Variants in SPP2 observed in about 807,000 individuals in gnomAD.
SPP2 encodes the protein secreted phosphoprotein 24.
A neutral mutation model predicts 28.8 loss-of-function variants in SPP2; 34 were observed. That is an observed-to-expected ratio of 1.18 (90% CI 0.90 to 1.57). The LOEUF (loss-of-function observed/expected upper bound fraction) is 1.57, where lower values mean the gene tolerates loss of function less well. SPP2 is among the 40% of genes most tolerant of loss of function. SPP2 has a pLI of 0.00. For synonymous variants in SPP2, 96 were observed against 89.4 expected (o/e 1.07, Z -0.42); for missense variants, 269 against 263.9 (o/e 1.02, Z -0.13).
At chr2:234,059,553 C>A (rs919628914) in intron 3 of SPP2, among the ~76,000 whole-genome samples, 1 of 152,046 alleles carries the variant, frequency 6.6e-6, no homozygotes, top group Non-Finnish European at 1.5e-5. Flanking sequence ...AACAAACAAA[C>A]AAACAAACAA....
At position 234,058,505 on chromosome 2, in the gene SPP2, T is replaced by C. The variant is rs28903997; in HGVS notation, c.211-331T>C. Among the ~76,000 whole-genome samples, 1,456 of 152,318 alleles carry C rather than the reference T, an allele frequency of 9.6e-3. 19 individuals carry two copies. The highest frequency in any genetic ancestry group is 0.033 in the African/African-American group (1,362 of 41,566). On this transcript the variant is annotated intron_variant, in intron 2 of 7. Coordinates refer to ENST00000168148, the MANE Select transcript of SPP2 (RefSeq NM_006944.3). Reference sequence around the variant, plus strand: ...TGATTTTGGGGTTACAAATAAATTTTAGTGAGTAGGTGAGTTTGCCAATAT... The same window carrying C: ...TGATTTTGGGGTTACAAATAAATTTCAGTGAGTAGGTGAGTTTGCCAATAT...
chr2:234,063,611 G>A (rs1020847544), intron 4 of SPP2, among the ~76,000 whole-genome samples: 1 of 152,082 alleles, frequency 6.6e-6, no homozygotes, highest in Non-Finnish European at 1.5e-5. Context: ...TTTCAATCCC[G>A]AAATTGAAAT....
chr2:234,061,927 C>T (rs1256528017), intron 4 of SPP2, among the ~76,000 whole-genome samples: 2 of 152,136 alleles, frequency 1.3e-5, no homozygotes, highest in Admixed American at 6.6e-5. Context: ...AGGGCTGGGG[C>T]GAGTACCATG....
intron 2 of SPP2, among the ~76,000 whole-genome samples, chr2:234,052,124 A>G (rs62185891): frequency 3.6e-4 from 55 of 152,288 alleles, no homozygotes; most frequent in Admixed American, 2.0e-3. Context: ...ATTATAGTTC[A>G]TGAAGACTAT....
At chr2:234,071,050 G>A (rs1390158014) in intron 7 of SPP2, among the ~76,000 whole-genome samples, 1 of 151,982 alleles carries the variant, frequency 6.6e-6, no homozygotes, top group Non-Finnish European at 1.5e-5. Context: ...CACCTAATTT[G>A]CTCAAGCTAA....
intron 2 of SPP2, among the ~76,000 whole-genome samples, chr2:234,051,691 A>T (rs1401634379): frequency 6.6e-6 from 1 of 152,216 alleles, no homozygotes; most frequent in Non-Finnish European, 1.5e-5. Flanking sequence ...AGGTAATTTC[A>T]CTGCCTTATT....
At chr2:234,074,119 G>C (rs1390168439) in intron 7 of SPP2, among the ~76,000 whole-genome samples, 1 of 152,136 alleles carries the variant, frequency 6.6e-6, no homozygotes, top group Non-Finnish European at 1.5e-5. Flanking sequence ...GATTGGAATT[G>C]AACTCTTGAT....
In SPP2 at chr2:234,060,463, C is replaced by G. The variant is rs1490992575; in HGVS notation, c.428C>G (p.Ser143Cys). ...AGCTGGTCCTCCTCCACGTCTGAGTCTTACAGCAGCGAAGAGGTATGACTG... is the reference window on the plus strand; with the variant it reads ...AGCTGGTCCTCCTCCACGTCTGAGTGTTACAGCAGCGAAGAGGTATGACTG... The part of the protein sequence containing the change: ...RCSWSSSTSE[S>C]YSSEEMIFGD... Residue 143 changes from serine to cysteine, a missense_variant, in exon 4 of 8, where the codon TCT (serine) becomes TGT (cysteine). Ser to Cys is a moderately radical substitution (Grantham distance 112). Coordinates refer to ENST00000168148, the MANE Select transcript of SPP2 (RefSeq NM_006944.3). 1 of 1,613,704 alleles carries G rather than the reference C, an allele frequency of 6.2e-7. No individual in the cohort carries two copies. The highest frequency in any genetic ancestry group is 2.2e-5 in the East Asian group (1 of 44,832).
At chr2:234,071,865 A>T (rs1422687046) in intron 7 of SPP2, among the ~76,000 whole-genome samples, 3 of 152,166 alleles carry the variant, frequency 2.0e-5, no homozygotes, top group Non-Finnish European at 4.4e-5. Flanking sequence ...TTCCCTTTGG[A>T]GGTCTACGTT....
intron 2 of SPP2, among the ~76,000 whole-genome samples, chr2:234,051,614 G>A (rs144236015): frequency 3.9e-4 from 59 of 152,326 alleles, no homozygotes; most frequent in African/African-American, 1.3e-3. Flanking sequence ...GGAAAGAAAT[G>A]TAAAAATATC....
At chr2:234,073,978 C>T (rs1690846647) in intron 7 of SPP2, among the ~76,000 whole-genome samples, 1 of 152,184 alleles carries the variant, frequency 6.6e-6, no homozygotes, top group African/African-American at 2.4e-5. Flanking sequence ...ATGCCTGGGC[C>T]TGTGTTTGGA....
At chr2:234,057,386 C>CT (rs1693630348) in intron 2 of SPP2, among the ~76,000 whole-genome samples, 1 of 152,242 alleles carries the variant, frequency 6.6e-6, no homozygotes, top group Non-Finnish European at 1.5e-5. Flanking sequence ...ATTGGCTCTG[C>CT]TTTCTATTCA....
intron 5 of SPP2, 123 bp from the exon 6 acceptor site, chr2:234,067,101 C>G (rs998265603): frequency 1.0e-6 from 1 of 962,698 alleles, no homozygotes; most frequent in African/African-American, 1.6e-5. Flanking sequence ...GGCAATAAAA[C>G]TCAATGGTGA....
chr2:234,067,166 A>G, intron 5 of SPP2, 58 bp from the exon 6 acceptor site: 1 of 1,494,138 alleles, frequency 6.7e-7, no homozygotes, highest in Non-Finnish European at 9.3e-7. Context: ...CAGTAAAGTC[A>G]TAGAACATTC....
At chr2:234,068,775 A>G (rs563095468) in intron 6 of SPP2, among the ~76,000 whole-genome samples, 2 of 151,778 alleles carry the variant, frequency 1.3e-5, no homozygotes, top group East Asian at 3.9e-4. Context: ...GGGAATATTC[A>G]AAAGATATTT....
At chr2:234,060,552 G>GTT in intron 4 of SPP2, 73 bp downstream of exon 4, 1 of 1,214,996 alleles carries the variant, frequency 8.2e-7, no homozygotes, top group South Asian at 1.3e-5. Flanking sequence ...AAACAGAGTG[G>GTT]TTTGCTGGGT....
chr2:234,061,135 A>AT (rs532779342), intron 4 of SPP2, among the ~76,000 whole-genome samples: 97 of 152,312 alleles, frequency 6.4e-4, no homozygotes, highest in African/African-American at 2.2e-3. Context: ...ATTTTTCCTC[A>AT]ATTGCATTGA....
chr2:234,054,141 C>T lies in SPP2; in HGVS notation c.210+3046C>T, dbSNP rs114177833. Reference sequence around the variant, plus strand: ...ACAAGAAGTTCCCACTGTGGAAAGACGTTCTGAGGAATATTGGGTGAGCTG... The same window carrying T: ...ACAAGAAGTTCCCACTGTGGAAAGATGTTCTGAGGAATATTGGGTGAGCTG... On this transcript the variant is annotated intron_variant, in intron 2 of 7. Coordinates refer to ENST00000168148, the MANE Select transcript of SPP2 (RefSeq NM_006944.3). 3.7e-3 allele frequency among the ~76,000 whole-genome samples: 560 copies of T among 152,190 alleles called. 7 individuals are homozygous for T. Among genetic ancestry groups the T allele is most frequent in the African/African-American group, 0.013 (534 of 41,500 alleles).
rs187373458 is a variant in SPP2 at position 234,072,833 on chromosome 2, A to G, written c.*10+2810A>G. ...CAGTTCCTTAACCTCTCAGGGTGCA[A>G]TTCCTTCAAGGGTTTATTATTACTT... On this transcript the variant is annotated intron_variant, in intron 7 of 7. Coordinates refer to ENST00000168148, the MANE Select transcript of SPP2 (RefSeq NM_006944.3). 2.2e-4 allele frequency among the ~76,000 whole-genome samples: 34 copies of G among 152,108 alleles called. 2 individuals carry two copies. The South Asian group carries it at 3.5e-3, about 16-fold the overall frequency.
Sources: allele counts gnomAD v4.1 joint callset (sites outside exome capture counted in the v4.1 genomes callset), GRCh38; gene constraint gnomAD v4.1.1; transcripts MANE v1.5; gene names NCBI Gene and HGNC (gene_info 2026-07-23, HGNC 2026-07-21).